Variants in MROH2B observed in about 807,000 individuals in gnomAD.
MROH2B encodes the protein maestro heat-like repeat-containing protein family member 2B.
MROH2B carries 177 observed loss-of-function variants against 208.6 expected under a neutral mutation model. That is an observed-to-expected ratio of 0.85 (90% CI 0.75 to 0.96). The LOEUF (loss-of-function observed/expected upper bound fraction) is 0.96. MROH2B is among the 40% of genes least tolerant of loss of function. The pLI is 0.00. For missense variants in MROH2B, 2,002 were observed against 1,878.7 expected (o/e 1.07, Z -1.21); for synonymous variants, 728 against 659.0 (o/e 1.10, Z -1.60).
chr5:41,057,117 A>G lies in MROH2B; in HGVS notation c.911T>C (p.Leu304Pro), dbSNP rs1325996008. Residue 304 changes from leucine to proline, a missense_variant, in exon 9 of 42, where the codon CTC becomes CCC. By Grantham distance (98) the Leu-to-Pro change is moderately conservative. Coordinates refer to ENST00000399564, the MANE Select transcript of MROH2B (RefSeq NM_173489.5). ...ENEMKASSCF[L>P]ILAHSNPGEL... ...CTGGATGCTGGTCCTACCTAGAATG[A>G]GAAAACAGCTTGAAGCTTTCATTTC... 54 of 1,613,916 alleles carry G rather than the reference A, an allele frequency of 3.3e-5. No individual in the cohort carries two copies. The highest frequency in any genetic ancestry group is 4.4e-5 in the Non-Finnish European group (52 of 1,179,880).
At chr5:41,055,401 G>C (rs771288413) in intron 10 of MROH2B, among the ~76,000 whole-genome samples, 1 of 152,060 alleles carries the variant, frequency 6.6e-6, no homozygotes, top group Admixed American at 6.6e-5. Flanking sequence ...TTTTGTAAAC[G>C]TATCAATCTC....
intron 18 of MROH2B, among the ~76,000 whole-genome samples, chr5:41,044,138 T>C (rs1196226398): frequency 6.7e-6 from 1 of 150,290 alleles, no homozygotes; most frequent in African/African-American, 2.5e-5. Flanking sequence ...TAGTCCCAGC[T>C]ACTCGGGAGG....
At position 41,051,051 on chromosome 5, in the gene MROH2B, C is replaced by A. The variant is rs1418902883; in HGVS notation, c.1270G>T (p.Glu424Ter). Residue 424 changes from glutamate (E) to a stop codon, truncating the protein, a stop_gained, in exon 13 of 42, where the codon GAA (glutamate) becomes TAA (stop). Coordinates refer to ENST00000399564, the MANE Select transcript of MROH2B (RefSeq NM_173489.5). LOFTEE classifies it high-confidence loss of function. ...VKTNFHENEK[E>*]EESVRETSLE... ...CTTGTTTCTCGGACAGATTCCTCTT[C>A]CTTTTCATTCTCATGAAAGTTAGTT... The A allele has an allele frequency of 6.4e-7, 1 of 1,556,204 alleles. No individual in the cohort carries two copies. The highest frequency in any genetic ancestry group is 1.4e-5 in the African/African-American group (1 of 70,846).
chr5:41,040,611 G>T (rs546611975), intron 19 of MROH2B, among the ~76,000 whole-genome samples: 4 of 152,154 alleles, frequency 2.6e-5, no homozygotes, highest in Admixed American at 6.6e-5. Flanking sequence ...ACATATTCAA[G>T]GACTTAAAGT....
chr5:41,016,432 T>C (rs1579913255), intron 28 of MROH2B, among the ~76,000 whole-genome samples: 1 of 150,446 alleles, frequency 6.6e-6, no homozygotes, highest in African/African-American at 2.4e-5. Context: ...GGTAGAACAA[T>C]AATAGAATCC....
intron 1 of MROH2B, among the ~76,000 whole-genome samples, chr5:41,070,272 ATG>A (rs1314049977): frequency 6.6e-6 from 1 of 152,156 alleles, no homozygotes; most frequent in Non-Finnish European, 1.5e-5. Flanking sequence ...TTTTCTGACA[ATG>A]ACCTAAATGT....
In MROH2B at chr5:41,000,300, G is replaced by T. The variant is rs1741348691; in HGVS notation, c.4402C>A (p.Leu1468Ile). ...AGGAGACGGTCTAATACCCCATAGAGCTCCTGGAGGCCCAAAAAGGGAATG... is the reference window on the plus strand; with the variant it reads ...AGGAGACGGTCTAATACCCCATAGATCTCCTGGAGGCCCAAAAAGGGAATG... ...VCIPFLGLQE[L>I]YGVLDRLLDQ... The change falls in exon 39 of 42, where the codon CTC becomes ATC. Residue 1468 changes from leucine (L) to isoleucine (I), a missense_variant. Leu to Ile is a conservative substitution (Grantham distance 5). Coordinates refer to ENST00000399564, the MANE Select transcript of MROH2B (RefSeq NM_173489.5). The T allele has an allele frequency of 6.2e-7, 1 of 1,613,856 alleles. No homozygotes were observed. The highest frequency in any genetic ancestry group is 1.1e-5 in the South Asian group (1 of 91,088).
chr5:41,009,833 G>A (rs759242781), intron 31 of MROH2B, 89 bp downstream of exon 31: 24 of 1,305,120 alleles, frequency 1.8e-5, no homozygotes, highest in Non-Finnish European at 2.4e-5. Context: ...ACCTTTGTTT[G>A]CTATCTTGCT....
Position 41,057,096 on chromosome 5 carries a change from A to G in MROH2B, c.919+13T>C, listed in dbSNP as rs58164863. 2.6e-4 allele frequency: 418 copies of G among 1,613,792 alleles called. 2 individuals carry two copies. The African/African-American group carries it at 5.1e-3, about 20-fold the overall frequency. On this transcript the variant is annotated intron_variant, in intron 9 of 41. Transcript: ENST00000399564. Reference sequence around the variant, plus strand: ...GACATTTTTATTAAAAGCCTTCTGGATGCTGGTCCTACCTAGAATGAGAAA... The same window carrying G: ...GACATTTTTATTAAAAGCCTTCTGGGTGCTGGTCCTACCTAGAATGAGAAA...
At chr5:41,010,156 C>A (rs77372186) in intron 30 of MROH2B, 77 bp from the exon 31 acceptor site, 2 of 1,349,014 alleles carry the variant, frequency 1.5e-6, no homozygotes, top group South Asian at 3.1e-5. Flanking sequence ...AGGTATCTGT[C>A]GTGGATGGGC....
At chr5:41,045,950 T>TA in intron 17 of MROH2B, 97 bp from the exon 18 acceptor site, 1 of 709,300 alleles carries the variant, frequency 1.4e-6, no homozygotes, top group Non-Finnish European at 2.3e-6. Context: ...TTTAAATATA[T>TA]TTTAAATAGT....
At chr5:41,007,061 T>G (rs1211081055) in intron 34 of MROH2B, among the ~76,000 whole-genome samples, 1 of 152,240 alleles carries the variant, frequency 6.6e-6, no homozygotes, top group African/African-American at 2.4e-5. Context: ...TATTAAATAT[T>G]TCTTTCAAAA....
rs143407062 is a variant in MROH2B at position 41,063,847 on chromosome 5, A to T, written c.460+625T>A. Among the ~76,000 whole-genome samples the T allele has an allele frequency of 3.9e-5, 6 of 152,238 alleles. No individual in the cohort carries two copies. The East Asian group carries it at 1.2e-3, about 29-fold the overall frequency. On this transcript the variant is annotated intron_variant, in intron 5 of 41. Transcript: ENST00000399564. ...TACACTGCAAACACTGCTTCCTAGG[A>T]ATTCCAGGGCACGTTCTTCTCTGTA...
intron 9 of MROH2B, among the ~76,000 whole-genome samples, chr5:41,056,222 T>C (rs945507938): frequency 6.6e-6 from 1 of 152,070 alleles, no homozygotes; most frequent in African/African-American, 2.4e-5. Context: ...CATGTGAAGA[T>C]GGAGGAAGAG....
In MROH2B at chr5:41,012,816, GT is replaced by G. The variant is rs1741816719; in HGVS notation, c.2983-82del. On this transcript the variant is annotated intron_variant, in intron 29 of 41. Transcript: ENST00000399564. The stretch of plus-strand genomic sequence containing the variant: ...TACTTACAACATGCTGTTGTGGTTT[GT>G]TTTGGGTATTAGAAACCACTGAACT... The G allele has an allele frequency of 1.9e-6, 3 of 1,541,698 alleles. No individual in the cohort carries two copies. The South Asian group carries it at 3.8e-5, about 19-fold the overall frequency.
Position 41,047,112 on chromosome 5 carries a change from T to C in MROH2B, c.1728+609A>G, listed in dbSNP as rs529109574. The stretch of plus-strand genomic sequence containing the variant: ...ATTAAAAGCTCCCTGTCTGTGGGCT[T>C]CGTCCCTCCTGCAAGTTTCTGAAGT... On this transcript the variant is annotated intron_variant, in intron 17 of 41. Transcript: ENST00000399564. 1.2e-4 allele frequency among the ~76,000 whole-genome samples: 18 copies of C among 152,266 alleles called. No individual in the cohort carries two copies. The South Asian group carries it at 2.9e-3, about 25-fold the overall frequency.
In MROH2B at chr5:41,017,921, T is replaced by G. The variant is rs751638963; in HGVS notation, c.2813A>C (p.His938Pro). ...IGSLLGLLAP[H>P]SCDTLPTIRQ... ...GATGGTGGGCAGGGTATCACAGGAG[T>G]GAGGAGCCAGAAGTCCAAGCAGTGA... Residue 938 changes from histidine (H) to proline (P), a missense_variant, in exon 28 of 42, where the codon CAC becomes CCC. Coordinates refer to ENST00000399564, the MANE Select transcript of MROH2B (RefSeq NM_173489.5). 1.9e-6 allele frequency: 3 copies of G among 1,584,080 alleles called. No individual in the cohort carries two copies. The highest frequency in any genetic ancestry group is 2.6e-6 in the Non-Finnish European group (3 of 1,164,274).
At chr5:41,041,160 G>T (rs773926739) in intron 19 of MROH2B, among the ~76,000 whole-genome samples, 4 of 152,126 alleles carry the variant, frequency 2.6e-5, no homozygotes, top group Non-Finnish European at 5.9e-5. Context: ...TATAAAAGCA[G>T]TTTCAAAAGT....
chr5:41,044,514 G>C (rs325857), intron 18 of MROH2B, among the ~76,000 whole-genome samples: 129,849 of 152,142 alleles, frequency 0.85, 55,602 homozygotes, highest in Middle Eastern at 0.89. Context: ...CTCTGCCTAC[G>C]GGTACCACCA....
Sources: gnomAD v4.1 joint callset for allele counts (sites outside exome capture counted in the v4.1 genomes callset) on GRCh38, gnomAD v4.1.1 for gene constraint, MANE v1.5 for transcripts, NCBI Gene and HGNC (gene_info 2026-07-23, HGNC 2026-07-21) for gene names.